SLC6A2: variants seen among roughly 807,000 people sequenced by gnomAD.
SLC6A2 encodes the protein sodium-dependent noradrenaline transporter.
A neutral mutation model predicts 71.7 loss-of-function variants in SLC6A2; 26 were observed. The observed-to-expected ratio is 0.36, with a 90% CI of 0.27 to 0.50. The LOEUF is 0.50. SLC6A2 is among the 20% of genes least tolerant of loss of function. The pLI, the probability that SLC6A2 is intolerant of heterozygous loss-of-function variation, is 0.96. For missense variants in SLC6A2, 581 were observed against 803.9 expected, an observed-to-expected ratio of 0.72 and a Z score of 3.35; for synonymous variants, 363 against 337.9, an observed-to-expected ratio of 1.07 and a Z score of -0.82.
intron 3 of SLC6A2, chr16:55,671,634 C>G (rs888141336): frequency 1.8e-6 from 1 of 557,454 alleles, no homozygotes; most frequent in Non-Finnish European, 3.1e-6. Flanking sequence ...CTCATAGGAG[C>G]GCAACCCCTA....
At chr16:55,687,480 G>A (rs1182336078) in intron 5 of SLC6A2, among the ~76,000 whole-genome samples, 1 of 152,202 alleles carries the variant, frequency 6.6e-6, no homozygotes, top group African/African-American at 2.4e-5. Flanking sequence ...TAGAGGTGGG[G>A]TGGAAGGAAG....
chr16:55,705,069 A>G lies in SLC6A2; in HGVS notation c.*2723A>G. 2 of 698,724 alleles carry G rather than the reference A, an allele frequency of 2.9e-6. No homozygotes were observed. Among genetic ancestry groups the G allele is most frequent in the Non-Finnish European group, 2.5e-6 (1 of 399,532 alleles). The allele number at this position is 698,724 out of a possible 1,614,324, so 43.3% of individuals were successfully genotyped here. On this transcript the variant is annotated 3_prime_UTR_variant, in exon 15 of 15. Coordinates refer to ENST00000568943, the MANE Select transcript of SLC6A2 (RefSeq NM_001172501.3). ...CCGGGACAAGGGTGCTGTGTACTGT[A>G]TATGACACTTGACGCTTTTGATATT...
chr16:55,692,261 C>T (rs1257129388), intron 6 of SLC6A2, among the ~76,000 whole-genome samples: 1 of 152,168 alleles, frequency 6.6e-6, no homozygotes, highest in African/African-American at 2.4e-5. Flanking sequence ...TGTCTGGAGG[C>T]CTGGGATTCT....
intron 3 of SLC6A2, among the ~76,000 whole-genome samples, chr16:55,669,971 C>T (rs1255121767): frequency 2.0e-5 from 3 of 152,148 alleles, no homozygotes; most frequent in East Asian, 1.9e-4. Flanking sequence ...GAAATTTTTA[C>T]GTAAGTATCA....
rs143633858 is a variant in SLC6A2, at chr16:55,679,287, G to C, written c.645-5856G>C. ...CTGTCACCCAGGCTGGAGGGCAATG[G>C]CTCAATCTTGGCTATTGCAATCTCC... is the stretch of plus-strand genomic sequence containing the variant. On this transcript the variant is annotated intron_variant, in intron 4 of 14. Transcript: ENST00000568943. Among the ~76,000 whole-genome samples the C allele has an allele frequency of 3.5e-3, 535 of 151,536 alleles. 10 individuals carry two copies. In the South Asian group the frequency reaches 0.063, roughly 18 times the overall value.
At chr16:55,666,472 C>A (rs1167269788) in intron 2 of SLC6A2, among the ~76,000 whole-genome samples, 2 of 152,170 alleles carry the variant, frequency 1.3e-5, no homozygotes, top group African/African-American at 4.8e-5. Flanking sequence ...TGCAAGAGTC[C>A]TTGGGCAAGC....
chr16:55,691,222 GGAGAGGGGGAGAGAGA>G (rs1965610231), intron 5 of SLC6A2, among the ~76,000 whole-genome samples: 15 of 128,026 alleles, frequency 1.2e-4, no homozygotes, highest in African/African-American at 3.4e-4. Flanking sequence ...GGGGGGGAGG[GGAGAGGGGGAGAGAGA>G]GAGAGAGAGA....
At chr16:55,683,491 T>A (rs1360831824) in intron 4 of SLC6A2, among the ~76,000 whole-genome samples, 1 of 152,062 alleles carries the variant, frequency 6.6e-6, no homozygotes, top group Non-Finnish European at 1.5e-5. Flanking sequence ...TGGGCTTCTG[T>A]AATCCCAGGT....
intron 3 of SLC6A2, 81 bp downstream of exon 3, chr16:55,669,777 A>G: frequency 1.4e-6 from 2 of 1,475,092 alleles, no homozygotes; most frequent in South Asian, 1.1e-5. Context: ...CAGTGGTGAG[A>G]TCTAAGGTAG....
At chr16:55,662,290 G>C (rs1174246282) in intron 2 of SLC6A2, among the ~76,000 whole-genome samples, 2 of 152,180 alleles carry the variant, frequency 1.3e-5, no homozygotes, top group Admixed American at 6.5e-5. Context: ...AGTGGAGAAA[G>C]GCCCCAGGGC....
intron 13 of SLC6A2, 131 bp downstream of exon 13, chr16:55,700,437 C>G: frequency 1.4e-6 from 1 of 730,678 alleles, no homozygotes; most frequent in Non-Finnish European, 2.2e-6. Flanking sequence ...GGACCCACCT[C>G]ATTGGCCAGG....
intron 2 of SLC6A2, among the ~76,000 whole-genome samples, chr16:55,659,971 G>A (rs1489773894): frequency 2.1e-5 from 3 of 139,892 alleles, no homozygotes; most frequent in African/African-American, 7.6e-5. Flanking sequence ...TGTGGCCTTA[G>A]GAAAGGTGGC....
At chr16:55,670,287 C>T (rs1465340148) in intron 3 of SLC6A2, among the ~76,000 whole-genome samples, 5 of 152,170 alleles carry the variant, frequency 3.3e-5, no homozygotes, top group African/African-American at 9.7e-5. Flanking sequence ...CAGATGGCAA[C>T]GAGGGCCAGT....
chr16:55,698,073 A>T (rs1240932855), intron 10 of SLC6A2, 48 bp downstream of exon 10: 1 of 1,598,642 alleles, frequency 6.3e-7, no homozygotes, highest in Non-Finnish European at 8.6e-7. Flanking sequence ...CTGAGGCCGC[A>T]TTTCAATAAA....
intron 13 of SLC6A2, among the ~76,000 whole-genome samples, chr16:55,701,620 G>A (rs1162746614): frequency 6.6e-6 from 1 of 152,192 alleles, no homozygotes; most frequent in Admixed American, 6.5e-5. Flanking sequence ...TTCAAGTCTG[G>A]ATCCACAGGG....
intron 4 of SLC6A2, among the ~76,000 whole-genome samples, chr16:55,683,469 C>T (rs913595970): frequency 5.9e-5 from 9 of 151,874 alleles, no homozygotes; most frequent in East Asian, 1.9e-4. Context: ...AAAATTTAGC[C>T]GAGTATGATG....
intron 4 of SLC6A2, among the ~76,000 whole-genome samples, chr16:55,682,071 T>C (rs1471417450): frequency 6.6e-6 from 1 of 152,156 alleles, no homozygotes; most frequent in African/African-American, 2.4e-5. Context: ...CACACCCAGC[T>C]AATTTTTGTA....
intron 4 of SLC6A2, among the ~76,000 whole-genome samples, chr16:55,681,554 A>G (rs1965272260): frequency 6.6e-6 from 1 of 152,248 alleles, no homozygotes; most frequent in Non-Finnish European, 1.5e-5. Flanking sequence ...CAAATAACAT[A>G]CATCTATTTT....
At chr16:55,678,002 C>T (rs1020826695) in intron 4 of SLC6A2, among the ~76,000 whole-genome samples, 2 of 152,122 alleles carry the variant, frequency 1.3e-5, no homozygotes, top group African/African-American at 4.8e-5. Flanking sequence ...ACAGATCTTC[C>T]CTCTTTTTTT....
Sources: allele counts gnomAD v4.1 joint callset (sites outside exome capture counted in the v4.1 genomes callset), GRCh38; gene constraint gnomAD v4.1.1; transcripts MANE v1.5; gene names NCBI Gene and HGNC (gene_info 2026-07-23, HGNC 2026-07-21).